UGGT1: variants seen among roughly 807,000 people sequenced by gnomAD.
UGGT1 encodes UDP-glucose glycoprotein glucosyltransferase 1, also known as UDP-glucose:glycoprotein glucosyltransferase 1.
Under a neutral mutation model 203.9 loss-of-function variants are expected in UGGT1, and 107 were observed. The ratio of observed to expected loss-of-function variants is 0.52; its 90% confidence interval spans 0.45 to 0.62. The LOEUF (loss-of-function observed/expected upper bound fraction) is 0.62. Ranked by LOEUF, UGGT1 falls within the 20% of genes least tolerant of loss-of-function variation. The pLI, the probability that UGGT1 is intolerant of heterozygous loss-of-function variation, is 0.00. For synonymous variants in UGGT1, 628 were observed against 653.5 expected (o/e 0.96, Z 0.59); for missense variants, 1,673 against 1,867.2 (o/e 0.90, Z 1.92).
At position 128,178,546 on chromosome 2, in the gene UGGT1, T is replaced by C. The variant is rs559213987; in HGVS notation, c.3792T>C (p.Gly1264=). 1.2e-6 allele frequency: 2 copies of C among 1,613,242 alleles called. No individual in the cohort carries two copies. The highest frequency in any genetic ancestry group is 2.2e-5 in the South Asian group (2 of 91,014). The change falls in exon 34 of 41, where the codon GGT becomes GGC. Residue 1264 remains glycine, a synonymous_variant. Coordinates refer to ENST00000259253, the MANE Select transcript of UGGT1 (RefSeq NM_020120.4). ...TTAATATTTTCTCCGTTGCATCTGG[T>C]CATCTCTACGAAAGATTTCTTCGGT... ...DIINIFSVAS[G]HLYERFLRIM...
intron 33 of UGGT1, 100 bp from the exon 34 acceptor site, chr2:128,178,368 A>G: frequency 9.9e-7 from 1 of 1,010,510 alleles, no homozygotes; most frequent in African/African-American, 1.6e-5. Flanking sequence ...CTCACCCGCT[A>G]GGGAAGGATG....
intron 18 of UGGT1, among the ~76,000 whole-genome samples, chr2:128,150,212 G>A (rs114037564): frequency 0.011 from 1,629 of 152,254 alleles, 19 homozygotes; most frequent in Non-Finnish European, 0.019. Flanking sequence ...GAGGCTGGAG[G>A]ATTAGTTGAG....
At chr2:128,133,011 T>C in intron 13 of UGGT1, 130 bp from the exon 14 acceptor site, 2 of 1,219,508 alleles carry the variant, frequency 1.6e-6, no homozygotes, top group East Asian at 5.1e-5. Flanking sequence ...GCAGCCAATC[T>C]TTTTATCTTT....
intron 10 of UGGT1, among the ~76,000 whole-genome samples, chr2:128,122,475 A>AGT (rs1393966696): frequency 6.6e-6 from 1 of 151,852 alleles, no homozygotes; most frequent in Non-Finnish European, 1.5e-5. Flanking sequence ...TGAAGGTTAC[A>AGT]GTGAGCCAAG....
chr2:128,111,688 G>T (rs1687858435), intron 5 of UGGT1, among the ~76,000 whole-genome samples: 1 of 151,748 alleles, frequency 6.6e-6, no homozygotes, highest in African/African-American at 2.4e-5. Context: ...GTAGAGACGG[G>T]GTTTCACTGT....
rs762031091 is a variant in UGGT1 at position 128,178,459 on chromosome 2, T to C, written c.3714-9T>C. 4.4e-6 allele frequency: 7 copies of C among 1,604,542 alleles called. No homozygotes were observed. The South Asian group carries it at 5.6e-5, about 13-fold the overall frequency. On this transcript the variant is annotated splice_polypyrimidine_tract_variant and intron_variant, in intron 33 of 40. Coordinates refer to ENST00000259253, the MANE Select transcript of UGGT1 (RefSeq NM_020120.4). ...TCAAGTGGTCTTTTTTTTACCCTTA[T>C]TGTTATAGGGGCTTTACAGGACAGA...
intron 26 of UGGT1, among the ~76,000 whole-genome samples, chr2:128,169,199 G>C (rs959996442): frequency 2.7e-5 from 4 of 150,156 alleles, no homozygotes; most frequent in African/African-American, 9.8e-5. Flanking sequence ...GGTGAGACCC[G>C]TATCTCTACA....
chr2:128,186,414 C>T (rs140365943), intron 38 of UGGT1, among the ~76,000 whole-genome samples: 2 of 152,112 alleles, frequency 1.3e-5, no homozygotes, highest in Admixed American at 1.3e-4. Flanking sequence ...TGAGACCAAC[C>T]TGGGGCAACA....
At chr2:128,163,663 G>A (rs1480961339) in intron 25 of UGGT1, among the ~76,000 whole-genome samples, 4 of 151,114 alleles carry the variant, frequency 2.6e-5, no homozygotes, top group East Asian at 3.9e-4. Flanking sequence ...TGCAGTGAGC[G>A]AGATCGCGCC....
In UGGT1 at chr2:128,097,437, T is replaced by C; in HGVS notation, c.67T>C (p.Tyr23His). ...AGALPVTGVCYKMGVLVVLTV... is the reference protein window; with the variant it reads ...AGALPVTGVCHKMGVLVVLTV... ...TCTTTTTTTCCTTTTAGGAGTTTGC[T>C]ATAAAATGGGAGTTCTGGTTGTACT... Residue 23 changes from tyrosine to histidine, a missense_variant, in exon 2 of 41, where the codon TAT becomes CAT. Around this residue, in one of 4 missense-constraint regions of UGGT1, gnomAD observed 83 missense variants for 87.2 expected, o/e 0.95. Transcript: ENST00000259253. The C allele has an allele frequency of 6.2e-7, 1 of 1,604,364 alleles. No homozygotes were observed. Among genetic ancestry groups the C allele is most frequent in the Non-Finnish European group, 8.5e-7 (1 of 1,177,664 alleles).
rs1361456821 is a variant in UGGT1 at position 128,097,477 on chromosome 2, T to C, written c.107T>C (p.Leu36Pro). Residue 36 changes from leucine to proline, a missense_variant, in exon 2 of 41, where the codon CTG becomes CCG. Leu to Pro is a moderately conservative substitution (Grantham distance 98, BLOSUM62 -3). This residue lies in a region of UGGT1 where 83 missense variants were observed against 87.2 expected (regional missense o/e 0.95). Coordinates refer to ENST00000259253, the MANE Select transcript of UGGT1 (RefSeq NM_020120.4). ...CTGGTTGTACTCACTGTTCTGTGGC[T>C]GTTCTCCTCAGTAAAGGCCGACTCA... ...GVLVVLTVLW[L>P]FSSVKADSKA... 6.2e-7 allele frequency: 1 copy of C among 1,614,248 alleles called. No homozygotes were observed. Among genetic ancestry groups the C allele is most frequent in the East Asian group, 2.2e-5 (1 of 44,886 alleles).
At chr2:128,130,894 G>A (rs1286954713) in intron 13 of UGGT1, among the ~76,000 whole-genome samples, 2 of 151,964 alleles carry the variant, frequency 1.3e-5, no homozygotes, top group Non-Finnish European at 2.9e-5. Flanking sequence ...CTGAATAGCT[G>A]GAACCATAGG....
intron 1 of UGGT1, 51 bp from the exon 2 acceptor site, chr2:128,097,374 CAAAA>C (rs879220516): frequency 1.6e-6 from 2 of 1,233,864 alleles, no homozygotes; most frequent in Non-Finnish European, 1.1e-6. Flanking sequence ...GACTGCGTCT[CAAAA>C]AAAAAAAAAA....
intron 7 of UGGT1, 126 bp downstream of exon 7, chr2:128,115,346 C>A: frequency 1.3e-6 from 1 of 787,446 alleles, no homozygotes; most frequent in East Asian, 2.9e-5. Context: ...GGTTCTGTTA[C>A]ACCTGAGTGG....
At chr2:128,097,374 C>CA (rs879220516) in intron 1 of UGGT1, 55 bp from the exon 2 acceptor site, 103,740 of 1,045,694 alleles carry the variant, frequency 0.099, 2 homozygotes, top group Non-Finnish European at 0.11. Context: ...GACTGCGTCT[C>CA]AAAAAAAAAA....
At chr2:128,177,741 T>C (rs1573623483) in intron 32 of UGGT1, 91 bp from the exon 33 acceptor site, 1 of 1,034,280 alleles carries the variant, frequency 9.7e-7, no homozygotes, top group Non-Finnish European at 1.4e-6. Context: ...TAATTCCCTA[T>C]TGATGACAGG....
chr2:128,159,791 G>C (rs182805180), intron 23 of UGGT1, 71 bp downstream of exon 23: 2 of 1,465,360 alleles, frequency 1.4e-6, no homozygotes, highest in South Asian at 2.5e-5. Context: ...TGCAGCTTAC[G>C]TGTCCGGTTC....
intron 8 of UGGT1, among the ~76,000 whole-genome samples, chr2:128,120,126 G>A (rs1688307168): frequency 6.6e-6 from 1 of 151,642 alleles, no homozygotes; most frequent in Non-Finnish European, 1.5e-5. Flanking sequence ...CTACCTCATA[G>A]GGAATCACTA....
Position 128,192,083 on chromosome 2 carries a change from AT to A in UGGT1, c.*2342del, listed in dbSNP as rs1692291031. 6.6e-6 allele frequency: 1 copy of A among 152,106 alleles called. No individual in the cohort carries two copies. The highest frequency in any genetic ancestry group is 1.5e-5 in the Non-Finnish European group (1 of 68,070). The allele number at this position is 152,106 out of a possible 1,614,324, so 9.4% of individuals were successfully genotyped here. ...CCCATGTCTTTCTACCAAGCCTCTT[AT>A]GTTTAATCTGTGCAGGGAAGACAAG... On this transcript the variant is annotated 3_prime_UTR_variant, in exon 41 of 41. Coordinates refer to ENST00000259253, the MANE Select transcript of UGGT1 (RefSeq NM_020120.4).
Sources: gnomAD v4.1 joint callset for allele counts (sites outside exome capture counted in the v4.1 genomes callset) on GRCh38, gnomAD v4.1.1 for gene constraint, gnomAD v4.1.1 regional missense constraint, MANE v1.5 for transcripts, NCBI Gene and HGNC (gene_info 2026-07-23, HGNC 2026-07-21) for gene names.